The following GLIS3 variants were observed in gnomAD, a reference collection of about 807,000 sequenced individuals.
GLIS3 encodes the protein GLIS family zinc finger 3, also known as zinc finger protein GLIS3.
In GLIS3, 53 loss-of-function variants were observed where a neutral mutation model predicts 78.6. The ratio of observed to expected loss-of-function variants is 0.67; its 90% CI spans 0.54 to 0.85. GLIS3 has a LOEUF of 0.85. Ranked by LOEUF, GLIS3 falls within the 40% of genes least tolerant of loss-of-function variation. The pLI is 0.00. For synonymous variants in GLIS3, 684 were observed against 509.9 expected (o/e 1.34, Z -4.60); for missense variants, 1,703 against 1,231.1 (o/e 1.38, Z -5.74).
chr9:4,337,124 T>C lies in GLIS3; in HGVS notation n.264+9957A>G, dbSNP rs965880050. Among the ~76,000 whole-genome samples the C allele has an allele frequency of 5.3e-5, 8 of 152,310 alleles. No homozygotes were observed. The South Asian group carries it at 6.2e-4, about 12-fold the overall frequency. ...CATTGGCTTCTAGTGCACAAACAAA[T>C]TGGTACAACTTTTCCCGAAAGTAAT... On this transcript the variant is annotated intron_variant and non_coding_transcript_variant, in intron 2 of 4. Transcript: ENST00000471664.
chr9:3,859,672 A>G (rs1194444834), intron 8 of GLIS3, among the ~76,000 whole-genome samples: 2 of 152,196 alleles, frequency 1.3e-5, no homozygotes, highest in Non-Finnish European at 2.9e-5. Flanking sequence ...TTCTAGGTCC[A>G]ACCCTGTTCT....
intron 2 of GLIS3, among the ~76,000 whole-genome samples, chr9:4,281,853 C>T (rs1827584275): frequency 6.6e-6 from 1 of 152,130 alleles, no homozygotes; most frequent in Non-Finnish European, 1.5e-5. Context: ...TGCCTGGTGT[C>T]CAAAGGATAT....
the GLIS3 span, among the ~76,000 whole-genome samples, chr9:4,470,790 A>T: frequency 7.2e-5 from 11 of 152,136 alleles, no homozygotes; most frequent in African/African-American, 2.2e-4. Flanking sequence ...AGGGTATTCA[A>T]TTAGGAAAAG....
chr9:4,121,400 C>T (rs1270393040), intron 3 of GLIS3, among the ~76,000 whole-genome samples: 1 of 152,024 alleles, frequency 6.6e-6, no homozygotes, highest in Non-Finnish European at 1.5e-5. Flanking sequence ...CCAGTGCCTG[C>T]CAGAATGTAA....
At chr9:4,213,324 G>T (rs1820534876) in intron 2 of GLIS3, among the ~76,000 whole-genome samples, 1 of 152,144 alleles carries the variant, frequency 6.6e-6, no homozygotes, top group Non-Finnish European at 1.5e-5. Context: ...TGGGCTAGTA[G>T]CCTCTCCTAG....
chr9:4,180,075 C>T (rs1195839022), intron 2 of GLIS3, among the ~76,000 whole-genome samples: 1 of 152,114 alleles, frequency 6.6e-6, no homozygotes, highest in African/African-American at 2.4e-5. Context: ...TCCGCCACCT[C>T]TAAGTTATCA....
chr9:4,418,826 A>G, the GLIS3 span, among the ~76,000 whole-genome samples: 1 of 152,226 alleles, frequency 6.6e-6, no homozygotes. Flanking sequence ...TTCAAGTGGT[A>G]CAGATGAAGA....
intron 2 of GLIS3, among the ~76,000 whole-genome samples, chr9:4,343,146 C>G (rs2130588087): frequency 6.6e-6 from 1 of 151,226 alleles, no homozygotes; most frequent in East Asian, 2.0e-4. Context: ...TGAGACCAGC[C>G]TGGGCAACAT....
intron 2 of GLIS3, among the ~76,000 whole-genome samples, chr9:4,134,839 TTGGG>T (rs1170533121): frequency 6.6e-6 from 1 of 152,166 alleles, no homozygotes; most frequent in African/African-American, 2.4e-5. Flanking sequence ...TTGTTTTCCT[TTGGG>T]GACTAAGCTT....
At chr9:4,214,381 C>T (rs1158399674) in intron 2 of GLIS3, among the ~76,000 whole-genome samples, 1 of 152,172 alleles carries the variant, frequency 6.6e-6, no homozygotes, top group East Asian at 1.9e-4. Flanking sequence ...TACTTAGTGT[C>T]ACAACATGTG....
intron 2 of GLIS3, among the ~76,000 whole-genome samples, chr9:4,239,329 A>C (rs147560250): frequency 0.011 from 1,668 of 151,632 alleles, 11 homozygotes; most frequent in Middle Eastern, 0.027. Flanking sequence ...TAAAAAAAAA[A>C]CCAAAAAAAA....
chr9:4,376,504 C>G, the GLIS3 span, among the ~76,000 whole-genome samples: 3 of 81,172 alleles, frequency 3.7e-5, 1 homozygote, highest in African/African-American at 1.1e-4. Context: ...ACTTTATAAG[C>G]CAAGTGTCCA....
intron 2 of GLIS3, among the ~76,000 whole-genome samples, chr9:4,213,686 C>G (rs963486818): frequency 6.6e-6 from 1 of 152,174 alleles, no homozygotes; most frequent in Non-Finnish European, 1.5e-5. Flanking sequence ...TGCTGAAACC[C>G]TGGCATGCGA....
chr9:3,867,245 CTGT>C (rs1820646093), intron 8 of GLIS3, among the ~76,000 whole-genome samples: 1 of 152,182 alleles, frequency 6.6e-6, no homozygotes, highest in Non-Finnish European at 1.5e-5. Context: ...GTTGTTGTTG[CTGT>C]TGTTATTTTA....
chr9:4,330,864 T>C (rs1202939317), intron 2 of GLIS3, among the ~76,000 whole-genome samples: 1 of 152,172 alleles, frequency 6.6e-6, no homozygotes, highest in Admixed American at 6.5e-5. Context: ...AGGAGTGGGT[T>C]AAGCTGATTC....
At chr9:4,064,572 T>C (rs1023392220) in intron 4 of GLIS3, among the ~76,000 whole-genome samples, 2 of 152,164 alleles carry the variant, frequency 1.3e-5, no homozygotes, top group Non-Finnish European at 2.9e-5. Context: ...GGCAGTTCAC[T>C]TGAGGTCAGG....
intron 4 of GLIS3, among the ~76,000 whole-genome samples, chr9:4,004,295 G>A (rs184865941): frequency 1.3e-5 from 2 of 152,242 alleles, no homozygotes; most frequent in East Asian, 1.9e-4. Context: ...CTTGATATTT[G>A]GTAGGTCAAT....
chr9:4,083,374 C>G (rs1032303959), intron 4 of GLIS3, among the ~76,000 whole-genome samples: 16 of 152,044 alleles, frequency 1.1e-4, no homozygotes, highest in Non-Finnish European at 2.1e-4. Flanking sequence ...TTACCACAGC[C>G]CTCTAGGTAG....
rs563066343 is a variant in GLIS3, at chr9:4,056,987, G to GC, written c.1710+60780dup. Among the ~76,000 whole-genome samples the GC allele has an allele frequency of 1.9e-3, 272 of 142,770 alleles. 3 individuals are homozygous for GC. Among genetic ancestry groups the GC allele is most frequent in the African/African-American group, 6.9e-3 (264 of 38,116 alleles). 93.7% of individuals were successfully genotyped at this position (142,770 alleles called of 152,430 possible). ...TATGATGACTAAGAATGTGAATCGT[G>GC]CCCCCTAGAATTATCTAGTGCATTA... On this transcript the variant is annotated intron_variant, in intron 4 of 10. Transcript: ENST00000381971.
Sources: gnomAD v4.1 joint callset for allele counts (sites outside exome capture counted in the v4.1 genomes callset) on GRCh38, gnomAD v4.1.1 for gene constraint, MANE v1.5 for transcripts, NCBI Gene and HGNC (gene_info 2026-07-23, HGNC 2026-07-21) for gene names.